Variants in TSBP1 observed in about 807,000 individuals in gnomAD.
TSBP1 encodes testis expressed basic protein 1, also known as testis-expressed basic protein 1.
In TSBP1, 56 loss-of-function variants were observed where a neutral mutation model predicts 68.8. The observed-to-expected ratio is 0.81, with a 90% CI of 0.66 to 1.02. The LOEUF (loss-of-function observed/expected upper bound fraction) is 1.02, where lower values mean the gene tolerates loss of function less well. Among genes scored for constraint, TSBP1 ranks in the 50% least tolerant of loss-of-function variants. TSBP1 has a pLI of 0.00. For missense variants in TSBP1, 502 were observed against 641.2 expected (o/e 0.78, Z 2.34); for synonymous variants, 171 against 208.7 (o/e 0.82, Z 1.56).
chr6:32,352,287 A>G (rs1771804224), intron 8 of TSBP1, among the ~76,000 whole-genome samples: 1 of 152,012 alleles, frequency 6.6e-6, no homozygotes, highest in Non-Finnish European at 1.5e-5. Context: ...GAGAATTTGG[A>G]AAGAGTAGTT....
At position 32,308,612 on chromosome 6, in the gene TSBP1, AAAAAT is replaced by A. The variant is rs1370117086; in HGVS notation, c.581-5988_581-5984del. On this transcript the variant is annotated intron_variant, in intron 19 of 22. Coordinates refer to ENST00000612031, the Ensembl canonical transcript of TSBP1. Reference sequence around the variant, plus strand: ...GACTCCGTCTCAAAAAAAAAAAAAAAAAAATTTTGCTTTTTATTTGCTTTCTCTTT... The same window carrying A: ...GACTCCGTCTCAAAAAAAAAAAAAAATTTGCTTTTTATTTGCTTTCTCTTT... 3.1e-3 allele frequency among the ~76,000 whole-genome samples: 317 copies of A among 101,280 alleles called. 9 individuals carry two copies. The highest frequency in any genetic ancestry group is 0.011 in the African/African-American group (293 of 27,638). 66.4% of individuals were successfully genotyped at this position (101,280 alleles called of 152,430 possible).
At position 32,336,370 on chromosome 6, in the gene TSBP1, C is replaced by T. The variant is rs147567421; in HGVS notation, c.430+245G>A. ...CTGTGAGATTTCTTAACACTTCGTGCATGGCCTCTTTGGAAACTATGTAAT... is the reference window on the plus strand; with the variant it reads ...CTGTGAGATTTCTTAACACTTCGTGTATGGCCTCTTTGGAAACTATGTAAT... On this transcript the variant is annotated intron_variant, in intron 12 of 22. Transcript: ENST00000612031. The surrounding 1 kb of genome is among the most constrained non-coding windows in gnomAD (Gnocchi z 5.2). 6.7e-3 allele frequency among the ~76,000 whole-genome samples: 1,018 copies of T among 152,258 alleles called. 18 individuals are homozygous for T. The highest frequency in any genetic ancestry group is 0.02 in the East Asian group (102 of 5,190).
chr6:32,296,457 T>C (rs1719317944), intron 22 of TSBP1, among the ~76,000 whole-genome samples: 1 of 152,224 alleles, frequency 6.6e-6, no homozygotes, highest in African/African-American at 2.4e-5. Flanking sequence ...TTACTGACAT[T>C]TTATTCTAGA....
chr6:32,336,550 G>T lies in TSBP1; in HGVS notation c.430+65C>A. ...ATTTTTAAAAATGCAGGGCAGATCAGGCCCCAAGACCTTGTAGGTCAGATA... is the reference window on the plus strand; with the variant it reads ...ATTTTTAAAAATGCAGGGCAGATCATGCCCCAAGACCTTGTAGGTCAGATA... On this transcript the variant is annotated intron_variant, in intron 12 of 22. Coordinates refer to ENST00000612031, the Ensembl canonical transcript of TSBP1. The surrounding 1 kb of genome is among the most constrained non-coding windows in gnomAD (Gnocchi z 5.2). The T allele has an allele frequency of 7.5e-7, 1 of 1,329,018 alleles. No homozygotes were observed. The highest frequency in any genetic ancestry group is 1.1e-6 in the Non-Finnish European group (1 of 925,542). 82.3% of individuals were successfully genotyped at this position (1,329,018 alleles called of 1,614,324 possible).
rs146755878 is a variant in TSBP1 at position 32,341,139 on chromosome 6, G to A, written c.350-1501C>T. On this transcript the variant is annotated intron_variant, in intron 9 of 22. Coordinates refer to ENST00000612031, the Ensembl canonical transcript of TSBP1. ...ACTGAGTATTTTGTGGCGTTTCCCA[G>A]CTGAAGACAAATAAGCAGGGCAGTG... is the stretch of plus-strand genomic sequence containing the variant. Among the ~76,000 whole-genome samples the A allele has an allele frequency of 2.9e-4, 44 of 152,238 alleles. No individual in the cohort carries two copies. The East Asian group carries it at 7.3e-3, about 25-fold the overall frequency.
At chr6:32,367,157 C>T (rs1341123721) in intron 4 of TSBP1, among the ~76,000 whole-genome samples, 8 of 151,506 alleles carry the variant, frequency 5.3e-5, no homozygotes, top group Middle Eastern at 3.4e-3. Context: ...ACTTTAGTGG[C>T]TTCCAGCAAG....
intron 8 of TSBP1, among the ~76,000 whole-genome samples, chr6:32,353,636 A>AT (rs1008875830): frequency 8.9e-5 from 10 of 111,828 alleles, no homozygotes; most frequent in Non-Finnish European, 1.6e-4. Flanking sequence ...ATAATGTGCT[A>AT]TTTTTTGTAA....
intron 19 of TSBP1, among the ~76,000 whole-genome samples, chr6:32,309,632 T>C (rs573249150): frequency 2.4e-4 from 37 of 152,286 alleles, no homozygotes; most frequent in South Asian, 1.5e-3. Context: ...ATATAGTAGG[T>C]GCAAGTAGGT....
chr6:32,330,653 C>CACAT, intron 15 of TSBP1, 44 bp from the exon 17 acceptor site: 1 of 1,456,978 alleles, frequency 6.9e-7, no homozygotes, highest in South Asian at 1.3e-5. Flanking sequence ...CACACACACA[C>CACAT]ACACACACAC....
At chr6:32,293,161 C>T (rs1764327183) in exon 23 of TSBP1, 1 of 1,603,058 alleles carries the variant, frequency 6.2e-7, no homozygotes. Flanking sequence ...CTGCATCTCT[C>T]TCCTTTTCTT....
chr6:32,339,755 G>A (rs1033499), intron 9 of TSBP1, 117 bp from the exon 11 acceptor site: 77,008 of 529,874 alleles, frequency 0.15, 6,742 homozygotes, highest in Non-Finnish European at 0.18. Context: ...CAGTCTTGAG[G>A]TTAAAGAGCT....
At chr6:32,329,461 G>C (rs898750006) in intron 16 of TSBP1, among the ~76,000 whole-genome samples, 41 of 152,250 alleles carry the variant, frequency 2.7e-4, no homozygotes, top group African/African-American at 9.6e-4. Context: ...TGATTCAGGG[G>C]AATAGTCAAT....
chr6:32,370,274 T>TA (rs1489961092), intron 1 of TSBP1, among the ~76,000 whole-genome samples: 1 of 151,926 alleles, frequency 6.6e-6, no homozygotes, highest in Non-Finnish European at 1.5e-5. Context: ...TTGAACCCTT[T>TA]ACTCCCCAGG....
Position 32,316,456 on chromosome 6 carries a change from C to G in TSBP1, c.560-664G>C, listed in dbSNP as rs1284231112. ...TCAGTGAAGATTTGTTTGAAAGGAG[C>G]AAGTTTCCTTCTAGGGAGAGATATT... is the stretch of plus-strand genomic sequence containing the variant. On this transcript the variant is annotated intron_variant, in intron 18 of 22. Transcript: ENST00000612031. This position sits in a 1 kb window ranked among gnomAD's most constrained non-coding sequence, Gnocchi z 4.5. 1.3e-6 allele frequency: 2 copies of G among 1,527,846 alleles called. No individual in the cohort carries two copies. The highest frequency in any genetic ancestry group is 1.4e-5 in the African/African-American group (1 of 72,554). 94.6% of individuals were successfully genotyped at this position (1,527,846 alleles called of 1,614,324 possible).
At chr6:32,345,754 A>C (rs3117135) in intron 9 of TSBP1, among the ~76,000 whole-genome samples, 63,981 of 151,890 alleles carry the variant, frequency 0.42, 14,366 homozygotes, top group African/African-American at 0.54. Context: ...AAGATTTTCA[A>C]GGAAATAATA....
intron 19 of TSBP1, among the ~76,000 whole-genome samples, chr6:32,308,325 T>C (rs1053506797): frequency 2.0e-5 from 3 of 151,992 alleles, no homozygotes; most frequent in Non-Finnish European, 4.4e-5. Context: ...TTAAAAAAAT[T>C]TGCTTTTTCA....
rs1773624724 is a variant in TSBP1 at position 32,365,698 on chromosome 6, T to C, written c.217+469A>G. On this transcript the variant is annotated intron_variant, in intron 6 of 22. Coordinates refer to ENST00000612031, the Ensembl canonical transcript of TSBP1. The surrounding 1 kb of genome is among the most constrained non-coding windows in gnomAD (Gnocchi z 4.3). ...TGGGCCAAGTGGGTCTGTCTCAGCATTGAGTTGTGCCACCTTGGGGGAGGA... is the reference window on the plus strand; with the variant it reads ...TGGGCCAAGTGGGTCTGTCTCAGCACTGAGTTGTGCCACCTTGGGGGAGGA... 2.0e-5 allele frequency: 9 copies of C among 442,392 alleles called. No individual in the cohort carries two copies. Among genetic ancestry groups the C allele is most frequent in the Admixed American group, 2.4e-5 (1 of 41,556 alleles). The allele number at this position is 442,392 out of a possible 1,614,324, so 27.4% of individuals were successfully genotyped here.
chr6:32,356,592 C>T (rs372226367), intron 6 of TSBP1, among the ~76,000 whole-genome samples: 13 of 151,938 alleles, frequency 8.6e-5, no homozygotes, highest in African/African-American at 2.9e-4. Context: ...TGGTGGTACA[C>T]GCCTGTAATC....
intron 18 of TSBP1, among the ~76,000 whole-genome samples, chr6:32,320,641 T>C (rs1313590858): frequency 6.6e-6 from 1 of 152,150 alleles, no homozygotes; most frequent in Non-Finnish European, 1.5e-5. Flanking sequence ...CCACCTTTTT[T>C]ATGCTTAAGC....
Sources: gnomAD v4.1 joint callset for allele counts (sites outside exome capture counted in the v4.1 genomes callset) on GRCh38, gnomAD v4.1.1 for gene constraint, Gnocchi (gnomAD v3.1) non-coding constraint, MANE v1.5 for transcripts, NCBI Gene and HGNC (gene_info 2026-07-23, HGNC 2026-07-21) for gene names.